Variants in XRN2 observed in about 807,000 individuals in gnomAD.
XRN2 encodes the protein 5'-3' exoribonuclease 2, also known as DHM1-like protein.
In XRN2, 44 loss-of-function variants were observed where a neutral mutation model predicts 138.5. That is an observed-to-expected ratio of 0.32 (90% CI 0.25 to 0.41). The LOEUF is 0.41. Among genes scored for constraint, XRN2 ranks in the 10% least tolerant of loss-of-function variants. The pLI, the probability that XRN2 is intolerant of heterozygous loss-of-function variation, is 1.00. For synonymous variants in XRN2, 354 were observed against 369.4 expected (o/e 0.96, Z 0.48); for missense variants, 937 against 1,169.3 (o/e 0.80, Z 2.90).
intron 17 of XRN2, among the ~76,000 whole-genome samples, chr20:21,347,066 G>A (rs981304163): frequency 2.6e-5 from 4 of 152,172 alleles, no homozygotes; most frequent in Non-Finnish European, 5.9e-5. Flanking sequence ...TAGAAACAAA[G>A]CTAATTTTTG....
intron 1 of XRN2, among the ~76,000 whole-genome samples, chr20:21,315,408 A>G (rs2037944635): frequency 6.6e-6 from 1 of 152,164 alleles, no homozygotes. Flanking sequence ...TTTTCTGATG[A>G]CTAGTCGTGT....
intron 26 of XRN2, among the ~76,000 whole-genome samples, chr20:21,367,258 C>T (rs2038715009): frequency 6.6e-6 from 1 of 152,018 alleles, no homozygotes; most frequent in East Asian, 1.9e-4. Flanking sequence ...AGAGAGGGGA[C>T]TTGTAAACAA....
intron 27 of XRN2, among the ~76,000 whole-genome samples, chr20:21,379,414 G>C (rs1341105396): frequency 6.6e-6 from 1 of 152,106 alleles, no homozygotes; most frequent in African/African-American, 2.4e-5. Context: ...AAGAAATTTG[G>C]TTAAAAATAG....
chr20:21,387,028 A>G, intron 29 of XRN2, 22 bp downstream of exon 29: 4 of 1,593,528 alleles, frequency 2.5e-6, no homozygotes, highest in Non-Finnish European at 2.6e-6. Context: ...TGGGATGAAA[A>G]GTATACTGCT....
At chr20:21,316,742 G>A (rs2037964335) in intron 1 of XRN2, among the ~76,000 whole-genome samples, 1 of 152,180 alleles carries the variant, frequency 6.6e-6, no homozygotes, top group Admixed American at 6.5e-5. Context: ...TCATCTTAAT[G>A]TTGAGTCTTG....
chr20:21,327,053 G>A (rs1398092034), intron 3 of XRN2, among the ~76,000 whole-genome samples: 4 of 152,108 alleles, frequency 2.6e-5, no homozygotes, highest in Non-Finnish European at 4.4e-5. Context: ...GAGATGGATG[G>A]GACAGGGTTT....
At chr20:21,377,518 A>G (rs1032969861) in intron 27 of XRN2, among the ~76,000 whole-genome samples, 1 of 150,436 alleles carries the variant, frequency 6.6e-6, no homozygotes, top group Non-Finnish European at 1.5e-5. Context: ...TCAGCCTCCC[A>G]AAGTGTTGGG....
intron 13 of XRN2, among the ~76,000 whole-genome samples, chr20:21,338,087 G>T (rs1209874668): frequency 6.6e-6 from 1 of 152,128 alleles, no homozygotes. Flanking sequence ...TTTTTGCCTG[G>T]CAGAAAGCAC....
chr20:21,350,574 A>G (rs1279275026), intron 20 of XRN2, among the ~76,000 whole-genome samples: 1 of 151,012 alleles, frequency 6.6e-6, no homozygotes, highest in Non-Finnish European at 1.5e-5. Flanking sequence ...TTACACAGTA[A>G]ACCAGCTGTT....
chr20:21,323,060 C>T (rs377062189), intron 1 of XRN2, among the ~76,000 whole-genome samples: 1 of 152,352 alleles, frequency 6.6e-6, no homozygotes, highest in Admixed American at 6.5e-5. Flanking sequence ...GTTGACCCAT[C>T]TGGCTGTTGC....
intron 3 of XRN2, 112 bp from the exon 4 acceptor site, chr20:21,328,447 C>T (rs916245589): frequency 1.9e-6 from 2 of 1,034,918 alleles, no homozygotes; most frequent in South Asian, 3.3e-5. Context: ...CATTACTTAC[C>T]TTTCTTCCAT....
chr20:21,320,928 G>A (rs1395329808), intron 1 of XRN2, among the ~76,000 whole-genome samples: 1 of 152,164 alleles, frequency 6.6e-6, no homozygotes, highest in Non-Finnish European at 1.5e-5. Context: ...GTTTTCTTCT[G>A]CAAACTAGCC....
At chr20:21,357,697 A>C in intron 23 of XRN2, 39 bp from the exon 24 acceptor site, 1 of 1,522,814 alleles carries the variant, frequency 6.6e-7, no homozygotes, top group Non-Finnish European at 8.9e-7. Flanking sequence ...AAAAGGTTAC[A>C]GTTTACAGAG....
rs1005225849 is a variant in XRN2 at position 21,309,702 on chromosome 20, CT to C, written c.75+6239del. On this transcript the variant is annotated intron_variant, in intron 1 of 29. Transcript: ENST00000377191. ...TTGTTCATAGTATTTTCTTACTATC[CT>C]TTTTTTTTTGTTATTAAAATGTTTT... is the stretch of plus-strand genomic sequence containing the variant. Among the ~76,000 whole-genome samples the C allele has an allele frequency of 7.3e-4, 108 of 148,042 alleles. No individual in the cohort carries two copies. In the East Asian group the frequency reaches 8.1e-3, roughly 11 times the overall value.
intron 9 of XRN2, 51 bp from the exon 10 acceptor site, chr20:21,333,493 A>G: frequency 6.3e-7 from 1 of 1,584,856 alleles, no homozygotes; most frequent in Non-Finnish European, 8.7e-7. Context: ...GGTTGGAAAA[A>G]ATTACTGGAC....
Position 21,305,377 on chromosome 20 carries a change from G to A in XRN2, c.75+1904G>A, listed in dbSNP as rs1033335052. On this transcript the variant is annotated intron_variant, in intron 1 of 29. Coordinates refer to ENST00000377191, the MANE Select transcript of XRN2 (RefSeq NM_012255.5). ...GGGTTCAAGCCATTCTTCTGCCACA[G>A]CGTCCAGAGCAGCTAGGACTACAGG... Among the ~76,000 whole-genome samples the A allele has an allele frequency of 2.0e-5, 3 of 152,178 alleles. No homozygotes were observed. In the East Asian group the frequency reaches 5.8e-4, roughly 29 times the overall value.
intron 21 of XRN2, among the ~76,000 whole-genome samples, chr20:21,355,661 T>C (rs1369659699): frequency 2.0e-5 from 3 of 152,070 alleles, no homozygotes; most frequent in Admixed American, 6.5e-5. Flanking sequence ...TTTTTCCCCA[T>C]AGAGGCACAT....
At chr20:21,340,649 C>A in intron 14 of XRN2, 72 bp from the exon 15 acceptor site, 2 of 1,542,110 alleles carry the variant, frequency 1.3e-6, no homozygotes, top group South Asian at 1.2e-5. Context: ...TTCCATTGCC[C>A]TTCTTTCCTT....
intron 1 of XRN2, among the ~76,000 whole-genome samples, chr20:21,320,407 C>A (rs2038022968): frequency 6.6e-6 from 1 of 151,996 alleles, no homozygotes; most frequent in African/African-American, 2.4e-5. Context: ...TCACGCCATT[C>A]TCCTGCCTCA....
Sources: gnomAD v4.1 joint callset for allele counts (sites outside exome capture counted in the v4.1 genomes callset) on GRCh38, gnomAD v4.1.1 for gene constraint, MANE v1.5 for transcripts, NCBI Gene and HGNC (gene_info 2026-07-23, HGNC 2026-07-21) for gene names.